Variants in ZBTB7C observed in about 807,000 individuals in gnomAD.
The protein encoded by ZBTB7C is zinc finger and BTB domain-containing protein 7C.
Under a neutral mutation model 25.7 loss-of-function variants are expected in ZBTB7C, and 8 were observed. That is an observed-to-expected ratio of 0.31 (90% CI 0.18 to 0.56). ZBTB7C has a LOEUF of 0.56. Ranked by LOEUF, ZBTB7C falls within the 20% of genes least tolerant of loss-of-function variation. The pLI, the probability that ZBTB7C is intolerant of heterozygous loss-of-function variation, is 0.91. For missense variants in ZBTB7C, 824 were observed against 855.2 expected, an observed-to-expected ratio of 0.96 and a Z score of 0.46; for synonymous variants, 394 against 369.0, an observed-to-expected ratio of 1.07 and a Z score of -0.78.
At chr18:48,400,667 T>G (rs996343672) in intron 1 of ZBTB7C, among the ~76,000 whole-genome samples, 1 of 152,274 alleles carries the variant, frequency 6.6e-6, no homozygotes, top group Non-Finnish European at 1.5e-5. Flanking sequence ...GTGGGGCTAC[T>G]GAGCACTTGA....
chr18:48,345,373 G>A (rs2046703531), intron 1 of ZBTB7C, among the ~76,000 whole-genome samples: 1 of 152,044 alleles, frequency 6.6e-6, no homozygotes, highest in African/African-American at 2.4e-5. Context: ...CCTATTTCAG[G>A]GCTATCAGCT....
At chr18:48,075,342 C>G (rs999809563) in intron 3 of ZBTB7C, among the ~76,000 whole-genome samples, 1 of 152,198 alleles carries the variant, frequency 6.6e-6, no homozygotes, top group East Asian at 1.9e-4. Context: ...TCTGCTCATT[C>G]TTATCCAAAG....
chr18:48,127,924 G>A (rs1276215990), intron 3 of ZBTB7C, among the ~76,000 whole-genome samples: 1 of 152,216 alleles, frequency 6.6e-6, no homozygotes, highest in African/African-American at 2.4e-5. Context: ...ACAGCTGCGT[G>A]TCCACAAGGG....
At chr18:48,301,750 T>C (rs1310686505) in intron 2 of ZBTB7C, among the ~76,000 whole-genome samples, 3 of 152,192 alleles carry the variant, frequency 2.0e-5, no homozygotes, top group African/African-American at 7.2e-5. Context: ...TCAGATTGTG[T>C]TGACTTTTCT....
chr18:48,097,382 G>GTTGTTATTA (rs10651143), intron 3 of ZBTB7C, among the ~76,000 whole-genome samples: 6,629 of 144,834 alleles, frequency 0.046, 192 homozygotes, highest in East Asian at 0.092. Flanking sequence ...TATTGTTGTT[G>GTTGTTATTA]TTATTATTAT....
At chr18:48,338,049 C>G (rs368488614) in intron 2 of ZBTB7C, 125 bp downstream of exon 2, 1 of 152,158 alleles carries the variant, frequency 6.6e-6, no homozygotes, top group Non-Finnish European at 1.5e-5. Flanking sequence ...TCTTATCAGG[C>G]CTTAGTGTGC....
intron 3 of ZBTB7C, among the ~76,000 whole-genome samples, chr18:48,084,184 G>A (rs971027281): frequency 1.3e-5 from 2 of 152,150 alleles, no homozygotes; most frequent in Non-Finnish European, 2.9e-5. Context: ...GAGAATGAAA[G>A]GTCTCAGGGA....
chr18:48,208,704 C>G (rs1386115562), intron 2 of ZBTB7C, among the ~76,000 whole-genome samples: 1 of 152,250 alleles, frequency 6.6e-6, no homozygotes, highest in Non-Finnish European at 1.5e-5. Flanking sequence ...TCGGAAGCCC[C>G]TGTCAACTTC....
chr18:48,122,478 T>A (rs2039662981), intron 3 of ZBTB7C, among the ~76,000 whole-genome samples: 1 of 152,114 alleles, frequency 6.6e-6, no homozygotes, highest in Admixed American at 6.5e-5. Context: ...ACGTGCAAGC[T>A]CCCTGTATAA....
At chr18:48,093,287 C>T (rs1458911088) in intron 3 of ZBTB7C, among the ~76,000 whole-genome samples, 1 of 152,194 alleles carries the variant, frequency 6.6e-6, no homozygotes, top group Admixed American at 6.5e-5. Flanking sequence ...CTGCCTCAAG[C>T]TCGCTCTAGC....
intron 2 of ZBTB7C, among the ~76,000 whole-genome samples, chr18:48,266,598 G>A (rs1319542781): frequency 6.6e-6 from 1 of 152,170 alleles, no homozygotes; most frequent in Non-Finnish European, 1.5e-5. Flanking sequence ...CATTGCAATA[G>A]CAGTGCTGCT....
At chr18:48,372,140 G>T (rs8084117) in intron 1 of ZBTB7C, among the ~76,000 whole-genome samples, 8,537 of 152,208 alleles carry the variant, frequency 0.056, 365 homozygotes, top group East Asian at 0.18. Flanking sequence ...AAGCCCCAGT[G>T]CTCACCTGGC....
intron 2 of ZBTB7C, among the ~76,000 whole-genome samples, chr18:48,244,952 T>C (rs1469044478): frequency 6.6e-6 from 1 of 151,814 alleles, no homozygotes; most frequent in African/African-American, 2.4e-5. Context: ...GAGTATCTAC[T>C]CAGAGGAAAA....
intron 2 of ZBTB7C, among the ~76,000 whole-genome samples, chr18:48,247,663 C>T (rs1192625853): frequency 6.6e-6 from 1 of 152,178 alleles, no homozygotes; most frequent in Non-Finnish European, 1.5e-5. Flanking sequence ...GTGTCCCCAC[C>T]CAAATCTCAT....
chr18:48,306,651 T>C (rs1488052402), intron 2 of ZBTB7C, among the ~76,000 whole-genome samples: 1 of 152,194 alleles, frequency 6.6e-6, no homozygotes, highest in Non-Finnish European at 1.5e-5. Context: ...TATCTTCTTA[T>C]CACAACACAA....
chr18:48,226,631 G>A (rs1003091581), intron 2 of ZBTB7C, among the ~76,000 whole-genome samples: 1 of 152,242 alleles, frequency 6.6e-6, no homozygotes, highest in Non-Finnish European at 1.5e-5. Context: ...TGTCACATGA[G>A]GTGTCACCCA....
chr18:48,348,225 G>C (rs72913584), intron 1 of ZBTB7C, among the ~76,000 whole-genome samples: 9,545 of 152,286 alleles, frequency 0.063, 341 homozygotes, highest in Non-Finnish European at 0.074. Flanking sequence ...AGGAGCCAGA[G>C]CAGAAGGCAA....
At chr18:48,176,694 A>C (rs1190529406) in intron 3 of ZBTB7C, among the ~76,000 whole-genome samples, 1 of 152,124 alleles carries the variant, frequency 6.6e-6, no homozygotes, top group Non-Finnish European at 1.5e-5. Flanking sequence ...AACAGCAGGT[A>C]AAACTGAGAT....
intron 3 of ZBTB7C, among the ~76,000 whole-genome samples, chr18:48,046,088 C>T (rs1391498074): frequency 6.6e-6 from 1 of 152,208 alleles, no homozygotes; most frequent in Non-Finnish European, 1.5e-5. Flanking sequence ...CAGGACTGCT[C>T]AGTTGAGCAT....
Sources: allele counts gnomAD v4.1 joint callset (sites outside exome capture counted in the v4.1 genomes callset), GRCh38; gene constraint gnomAD v4.1.1; transcripts MANE v1.5; gene names NCBI Gene and HGNC (gene_info 2026-07-23, HGNC 2026-07-21).